Variants in MGST1 observed in about 807,000 individuals in gnomAD.
MGST1 encodes glutathione S-transferase 12.
In MGST1, 5 loss-of-function variants were observed where a neutral mutation model predicts 8.9. The ratio of observed to expected loss-of-function variants is 0.56; its 90% CI spans 0.29 to 1.19. MGST1 has a LOEUF of 1.19. Among genes scored for constraint, MGST1 ranks in the 50% most tolerant of loss-of-function variants. MGST1 has a pLI of 0.08. For missense variants in MGST1, 182 were observed against 187.4 expected, an observed-to-expected ratio of 0.97 and a Z score of 0.17; for synonymous variants, 54 against 67.8, an observed-to-expected ratio of 0.80 and a Z score of 1.00.
intron 3 of MGST1, 152 bp downstream of exon 3, chr12:16,357,851 A>AG: frequency 1.0e-5 from 6 of 589,446 alleles, no homozygotes; most frequent in Admixed American, 3.3e-5. Flanking sequence ...GATGTCTGAA[A>AG]TTGACACACT....
chr12:16,564,055 C>G (rs1462866317), intron 4 of MGST1, among the ~76,000 whole-genome samples: 1 of 152,140 alleles, frequency 6.6e-6, no homozygotes, highest in East Asian at 1.9e-4. Flanking sequence ...CATACAATAT[C>G]AGTGCATATA....
At chr12:16,477,765 C>T (rs936620643) in intron 4 of MGST1, among the ~76,000 whole-genome samples, 3 of 152,122 alleles carry the variant, frequency 2.0e-5, no homozygotes, top group African/African-American at 7.2e-5. Flanking sequence ...TTAGATCATG[C>T]ATCATTTTGC....
chr12:16,492,608 T>C (rs1941446848), intron 4 of MGST1, among the ~76,000 whole-genome samples: 1 of 152,190 alleles, frequency 6.6e-6, no homozygotes. Flanking sequence ...CCAATTTTCA[T>C]ATTGTTTAAA....
At chr12:16,384,271 C>T (rs542673276) in intron 1 of MGST1, among the ~76,000 whole-genome samples, 1 of 152,074 alleles carries the variant, frequency 6.6e-6, no homozygotes, top group Admixed American at 6.6e-5. Context: ...TCCTTGGAAC[C>T]TATAAATGTG....
chr12:16,556,974 C>T (rs1039773811), intron 4 of MGST1, among the ~76,000 whole-genome samples: 6 of 152,106 alleles, frequency 3.9e-5, no homozygotes, highest in Non-Finnish European at 7.4e-5. Context: ...TAGTATTTCG[C>T]AGCAATAAGA....
chr12:16,386,098 C>A (rs1281717859), intron 1 of MGST1, among the ~76,000 whole-genome samples: 1 of 152,120 alleles, frequency 6.6e-6, no homozygotes, highest in Admixed American at 6.5e-5. Context: ...TGTTTGCCTT[C>A]GGAGGCAGTG....
intron 4 of MGST1, among the ~76,000 whole-genome samples, chr12:16,455,814 C>G (rs1219440650): frequency 6.6e-6 from 1 of 151,788 alleles, no homozygotes; most frequent in Non-Finnish European, 1.5e-5. Context: ...TTGCAATCAT[C>G]TGTTTCAAAA....
At chr12:16,415,963 T>C (rs1940784331) in intron 1 of MGST1, among the ~76,000 whole-genome samples, 1 of 152,196 alleles carries the variant, frequency 6.6e-6, no homozygotes, top group Non-Finnish European at 1.5e-5. Flanking sequence ...GAAATAATCT[T>C]TCATTTCATT....
intron 4 of MGST1, among the ~76,000 whole-genome samples, chr12:16,578,005 C>G (rs1017148988): frequency 6.6e-6 from 1 of 152,188 alleles, no homozygotes; most frequent in African/African-American, 2.4e-5. Context: ...ACTAATTCCA[C>G]CATCTCATTT....
At chr12:16,432,727 CACACAG>C (rs1467971348) in intron 1 of MGST1, among the ~76,000 whole-genome samples, 122 of 129,070 alleles carry the variant, frequency 9.5e-4, no homozygotes, top group African/African-American at 3.1e-3. Flanking sequence ...CACACACACA[CACACAG>C]AGAGAGAGAA....
chr12:16,534,196 A>G (rs1941740021), intron 4 of MGST1, among the ~76,000 whole-genome samples: 1 of 152,238 alleles, frequency 6.6e-6, no homozygotes, highest in Non-Finnish European at 1.5e-5. Context: ...ATAACTATAA[A>G]TGATGCATAA....
chr12:16,577,111 T>G (rs774903456), intron 4 of MGST1, among the ~76,000 whole-genome samples: 3 of 152,182 alleles, frequency 2.0e-5, no homozygotes, highest in Non-Finnish European at 2.9e-5. Flanking sequence ...GCAGAAAACT[T>G]GTGACTGGTA....
rs1424925836 is a variant in MGST1 at position 16,482,737 on chromosome 12, G to A, written n.482+99133G>A. On this transcript the variant is annotated intron_variant and non_coding_transcript_variant, in intron 4 of 4. Transcript: ENST00000538857. The surrounding 1 kb of genome is among the most constrained non-coding windows in gnomAD (Gnocchi z 4.2). ...CAGGTATGTTCTGGAGAAGGGAAAA[G>A]ATAATGGCTGAGATACGCAAAGGAT... Among the ~76,000 whole-genome samples, 2 of 152,104 alleles carry A rather than the reference G, an allele frequency of 1.3e-5. No homozygotes were observed. Among genetic ancestry groups the A allele is most frequent in the African/African-American group, 4.8e-5 (2 of 41,436 alleles).
intron 1 of MGST1, among the ~76,000 whole-genome samples, chr12:16,420,414 C>T (rs1940825124): frequency 6.6e-6 from 1 of 152,152 alleles, no homozygotes; most frequent in Non-Finnish European, 1.5e-5. Context: ...TAGATATGTT[C>T]ATTTGTTCAC....
Position 16,513,965 on chromosome 12 carries a change from T to TG in MGST1, n.483-75561dup. ...TGCGGTTTTGACTTCACAGACACTG[T>TG]GGAGGACATTTCAAAAACACCAGAG... On this transcript the variant is annotated intron_variant and non_coding_transcript_variant, in intron 4 of 4. Coordinates refer to the MGST1 transcript ENST00000538857. The surrounding 1 kb of genome is among the most constrained non-coding windows in gnomAD (Gnocchi z 4.2). 1 of 494,420 alleles carries TG rather than the reference T, an allele frequency of 2.0e-6. No homozygotes were observed. Among genetic ancestry groups the TG allele is most frequent in the Non-Finnish European group, 3.9e-6 (1 of 254,286 alleles). The allele number at this position is 494,420 out of a possible 1,614,324, so 30.6% of individuals were successfully genotyped here. A position where few individuals can be genotyped will look rare whatever the true frequency, so the allele number is the denominator to read the frequency against.
chr12:16,358,113 C>T (rs568084900), intron 3 of MGST1, among the ~76,000 whole-genome samples: 2 of 152,108 alleles, frequency 1.3e-5, no homozygotes, highest in Non-Finnish European at 2.9e-5. Flanking sequence ...GGAGTAGGAA[C>T]CTCTTTCTCT....
At chr12:16,476,410 A>C (rs1016800082) in intron 4 of MGST1, among the ~76,000 whole-genome samples, 1 of 152,206 alleles carries the variant, frequency 6.6e-6, no homozygotes, top group Non-Finnish European at 1.5e-5. Context: ...GAGCAAGAAC[A>C]ATATATCAAT....
intron 4 of MGST1, among the ~76,000 whole-genome samples, chr12:16,480,537 C>A (rs930040707): frequency 1.3e-5 from 2 of 152,064 alleles, no homozygotes; most frequent in Non-Finnish European, 2.9e-5. Flanking sequence ...GAATTATATA[C>A]AGAATGCATA....
intron 4 of MGST1, chr12:16,549,001 C>T (rs1027235386): frequency 1.3e-5 from 2 of 151,960 alleles, no homozygotes; most frequent in African/African-American, 2.4e-5. Flanking sequence ...AAGTTTGTTC[C>T]CAATTTACAA....
Sources: gnomAD v4.1 joint callset for allele counts (sites outside exome capture counted in the v4.1 genomes callset) on GRCh38, gnomAD v4.1.1 for gene constraint, Gnocchi (gnomAD v3.1) non-coding constraint, MANE v1.5 for transcripts, NCBI Gene and HGNC (gene_info 2026-07-23, HGNC 2026-07-21) for gene names.